CDH13: variants seen among roughly 807,000 people sequenced by gnomAD.
The protein encoded by CDH13 is cadherin 13.
Under a neutral mutation model 63.8 loss-of-function variants are expected in CDH13, and 24 were observed. The observed-to-expected ratio is 0.38, with a 90% CI of 0.27 to 0.53. The LOEUF (loss-of-function observed/expected upper bound fraction) is 0.53. Among genes scored for constraint, CDH13 ranks in the 20% least tolerant of loss-of-function variants. The pLI is 0.85. For synonymous variants in CDH13, 503 were observed against 355.3 expected, an observed-to-expected ratio of 1.42 and a Z score of -4.67; for missense variants, 1,049 against 903.1, an observed-to-expected ratio of 1.16 and a Z score of -2.07.
At chr16:83,018,431 G>A (rs1915022412) in intron 2 of CDH13, among the ~76,000 whole-genome samples, 1 of 152,108 alleles carries the variant, frequency 6.6e-6, no homozygotes, top group Admixed American at 6.6e-5. Flanking sequence ...TTGAACTTTA[G>A]AATAACAGAA....
At chr16:83,298,060 A>AG (rs897421381) in intron 5 of CDH13, among the ~76,000 whole-genome samples, 7 of 150,938 alleles carry the variant, frequency 4.6e-5, no homozygotes, top group Admixed American at 4.6e-4. Context: ...AAAAAAAAAA[A>AG]AAAGAAAAAG....
chr16:82,906,615 C>T (rs532138797), intron 2 of CDH13, among the ~76,000 whole-genome samples: 47 of 152,262 alleles, frequency 3.1e-4, no homozygotes, highest in African/African-American at 8.7e-4. Flanking sequence ...TAATAGTTTC[C>T]GAGAGCTGGA....
chr16:83,216,423 T>TATATATATATATATATATATATATAA (rs2039521888), intron 4 of CDH13, among the ~76,000 whole-genome samples: 1 of 100,878 alleles, frequency 9.9e-6, no homozygotes, highest in South Asian at 3.4e-4. Flanking sequence ...TATATATATA[T>TATATATATATATATATATATATATAA]ATATATATAT....
rs891334142 is a variant in CDH13 at position 82,704,947 on chromosome 16, A to C, written c.45+77810A>C. ...AATCAAGCCCGGGATATTGACAGAC[A>C]CCTAAGGCAGACTTGGGAGACAATG... On this transcript the variant is annotated intron_variant, in intron 1 of 13. Coordinates refer to ENST00000567109, the MANE Select transcript of CDH13 (RefSeq NM_001257.5). 8.6e-6 allele frequency: 3 copies of C among 347,908 alleles called. No individual in the cohort carries two copies. The Admixed American group carries it at 1.2e-4, about 14-fold the overall frequency. 21.6% of individuals were successfully genotyped at this position (347,908 alleles called of 1,614,324 possible).
intron 3 of CDH13, among the ~76,000 whole-genome samples, chr16:83,039,981 C>T (rs145205043): frequency 6.6e-6 from 1 of 151,940 alleles, no homozygotes; most frequent in African/African-American, 2.4e-5. Flanking sequence ...CCTGTAGACA[C>T]CTGCCTGGCT....
At chr16:83,452,950 G>A (rs368339902) in intron 6 of CDH13, among the ~76,000 whole-genome samples, 2 of 152,170 alleles carry the variant, frequency 1.3e-5, no homozygotes, top group Admixed American at 6.5e-5. Context: ...ACAAGTCCCT[G>A]GGGGAGAAAC....
In CDH13 at chr16:83,217,486, G is replaced by T; in HGVS notation, c.625G>T (p.Ala209Ser). 1 of 1,613,466 alleles carries T rather than the reference G, an allele frequency of 6.2e-7. No homozygotes were observed. The highest frequency in any genetic ancestry group is 1.1e-5 in the South Asian group (1 of 91,046). Residue 209 changes from alanine to serine, a missense_variant, in exon 5 of 14, where the codon GCT becomes TCT. By Grantham distance (99) the Ala-to-Ser change is moderately conservative. Coordinates refer to ENST00000567109, the MANE Select transcript of CDH13 (RefSeq NM_001257.5). ...ACGGACCTTGGACAGAGAAGTAATC[G>T]CTGTTTATCAAGTGAGTACCCCTCT... ...VTRTLDREVIAVYQLFVETTD... is the reference protein window; with the variant it reads ...VTRTLDREVISVYQLFVETTD...
intron 5 of CDH13, among the ~76,000 whole-genome samples, chr16:83,278,440 G>T (rs76279628): frequency 0.011 from 1,692 of 152,284 alleles, 11 homozygotes; most frequent in Non-Finnish European, 0.016. Context: ...TTTAATGAAT[G>T]GCTTGGAGGA....
intron 4 of CDH13, among the ~76,000 whole-genome samples, chr16:83,130,159 C>A (rs75847025): frequency 0.015 from 2,263 of 152,318 alleles, 38 homozygotes; most frequent in African/African-American, 0.036. Context: ...ACAATATCAG[C>A]ACATAGTCAT....
chr16:82,930,930 AATGTTC>A (rs949173739), intron 2 of CDH13, among the ~76,000 whole-genome samples: 15 of 152,324 alleles, frequency 9.8e-5, no homozygotes, highest in African/African-American at 2.9e-4. Context: ...TGCAGACTCT[AATGTTC>A]GACTTGTGGC....
intron 5 of CDH13, among the ~76,000 whole-genome samples, chr16:83,226,399 A>C (rs2039840408): frequency 6.6e-6 from 1 of 152,176 alleles, no homozygotes; most frequent in Non-Finnish European, 1.5e-5. Context: ...TCATTAGCAC[A>C]AACTCCTCAG....
At chr16:83,050,921 A>T (rs2030251864) in intron 3 of CDH13, among the ~76,000 whole-genome samples, 2 of 152,038 alleles carry the variant, frequency 1.3e-5, no homozygotes, top group African/African-American at 4.8e-5. Context: ...ACCACCTGGG[A>T]GGTCAGTGGT....
At chr16:83,296,975 A>T (rs1347765481) in intron 5 of CDH13, among the ~76,000 whole-genome samples, 1 of 152,194 alleles carries the variant, frequency 6.6e-6, no homozygotes, top group Non-Finnish European at 1.5e-5. Context: ...AAATAGAGGA[A>T]TGATGAGATA....
intron 4 of CDH13, among the ~76,000 whole-genome samples, chr16:83,132,366 C>A (rs139803541): frequency 2.0e-5 from 3 of 151,862 alleles, no homozygotes; most frequent in African/African-American, 7.3e-5. Context: ...GTTTTGTGCC[C>A]TTTATCTATG....
intron 1 of CDH13, among the ~76,000 whole-genome samples, chr16:82,842,021 C>T (rs2039025904): frequency 6.7e-6 from 1 of 148,862 alleles, no homozygotes; most frequent in African/African-American, 2.5e-5. Flanking sequence ...CTTGGGTACC[C>T]CTCACTGCTA....
chr16:82,746,245 CTGTT>C lies in CDH13; in HGVS notation c.46-112115_46-112112del, dbSNP rs2034165127. On this transcript the variant is annotated intron_variant, in intron 1 of 13. Coordinates refer to ENST00000567109, the MANE Select transcript of CDH13 (RefSeq NM_001257.5). The stretch of plus-strand genomic sequence containing the variant: ...ATATATGTGTTTATATATAAACACA[CTGTT>C]TATATATATGTGTTTATATATAAAC... 3.5e-5 allele frequency among the ~76,000 whole-genome samples: 3 copies of C among 86,884 alleles called. No homozygotes were observed. In the South Asian group the frequency reaches 1.5e-3, roughly 43 times the overall value. 57.0% of individuals were successfully genotyped at this position (86,884 alleles called of 152,430 possible).
intron 2 of CDH13, among the ~76,000 whole-genome samples, chr16:82,894,183 G>A (rs937398887): frequency 6.6e-6 from 1 of 152,076 alleles, no homozygotes; most frequent in Non-Finnish European, 1.5e-5. Context: ...TCGAACTCCT[G>A]GGCTCAAGCA....
chr16:83,105,287 A>G (rs2034708952), intron 3 of CDH13, among the ~76,000 whole-genome samples: 1 of 152,234 alleles, frequency 6.6e-6, no homozygotes, highest in South Asian at 2.1e-4. Flanking sequence ...TATTTGATAC[A>G]AAGTCAAACG....
At chr16:82,848,519 T>C (rs2039355903) in intron 1 of CDH13, among the ~76,000 whole-genome samples, 1 of 152,144 alleles carries the variant, frequency 6.6e-6, no homozygotes, top group South Asian at 2.1e-4. Context: ...AATTATTACT[T>C]TGTCTATTTT....
Sources: gnomAD v4.1 joint callset for allele counts (sites outside exome capture counted in the v4.1 genomes callset) on GRCh38, gnomAD v4.1.1 for gene constraint, MANE v1.5 for transcripts, NCBI Gene and HGNC (gene_info 2026-07-23, HGNC 2026-07-21) for gene names.